The following ZPBP variants were observed in gnomAD, a reference collection of about 807,000 sequenced individuals.
ZPBP encodes the protein zona pellucida-binding protein 1.
Under a neutral mutation model 44.8 loss-of-function variants are expected in ZPBP, and 26 were observed. The ratio of observed to expected loss-of-function variants is 0.58; its 90% CI spans 0.43 to 0.81. ZPBP has a LOEUF of 0.81. Ranked by LOEUF, ZPBP falls within the 30% of genes least tolerant of loss-of-function variation. The probability of loss-of-function intolerance (pLI) is 0.00; values close to 1 mark genes in which losing one functional copy is unlikely to be tolerated. For missense variants in ZPBP, 409 were observed against 434.0 expected, an observed-to-expected ratio of 0.94 and a Z score of 0.51; for synonymous variants, 174 against 153.2, an observed-to-expected ratio of 1.14 and a Z score of -1.00.
intron 2 of ZPBP, among the ~76,000 whole-genome samples, chr7:49,893,959 C>G (rs762758705): frequency 1.1e-4 from 16 of 152,200 alleles, no homozygotes; most frequent in Middle Eastern, 3.4e-3. Flanking sequence ...GATGCTGGAC[C>G]CTGCTGGGCT....
At chr7:49,862,398 G>T (rs183795460) in intron 2 of ZPBP, among the ~76,000 whole-genome samples, 10 of 152,208 alleles carry the variant, frequency 6.6e-5, no homozygotes, top group Admixed American at 5.2e-4. Flanking sequence ...CTATAGACAG[G>T]ATCATACTAA....
intron 3 of ZPBP, among the ~76,000 whole-genome samples, chr7:50,060,916 A>C (rs936896202): frequency 3.9e-5 from 6 of 152,208 alleles, no homozygotes; most frequent in Non-Finnish European, 5.9e-5. Flanking sequence ...TCCTCAACAA[A>C]ATACTAGCAT....
intron 2 of ZPBP, among the ~76,000 whole-genome samples, chr7:49,899,754 G>A (rs1792608932): frequency 6.6e-6 from 1 of 151,896 alleles, no homozygotes; most frequent in Non-Finnish European, 1.5e-5. Flanking sequence ...TACCAGAAAT[G>A]TATAGATTCG....
chr7:50,049,610 C>T (rs1313377225), intron 4 of ZPBP, among the ~76,000 whole-genome samples: 1 of 151,914 alleles, frequency 6.6e-6, no homozygotes, highest in Admixed American at 6.6e-5. Context: ...ATCCAACATC[C>T]TTTCACAATA....
chr7:50,002,847 G>A (rs1798155347), intron 6 of ZPBP, among the ~76,000 whole-genome samples: 1 of 152,074 alleles, frequency 6.6e-6, no homozygotes, highest in Non-Finnish European at 1.5e-5. Context: ...ACATTTATAA[G>A]AATATCAAAA....
intron 2 of ZPBP, among the ~76,000 whole-genome samples, chr7:49,865,434 G>A (rs1050262166): frequency 1.3e-5 from 2 of 152,192 alleles, no homozygotes; most frequent in Admixed American, 6.5e-5. Context: ...ACCGCAAAAC[G>A]TAGTGGCTTC....
intron 2 of ZPBP, among the ~76,000 whole-genome samples, chr7:49,887,129 T>C (rs901074261): frequency 6.6e-6 from 1 of 152,234 alleles, no homozygotes; most frequent in African/African-American, 2.4e-5. Context: ...AGGGTTTGTA[T>C]ATTTTAACTT....
chr7:50,081,820 T>C lies in ZPBP; in HGVS notation c.288A>G (p.Ile96Met), dbSNP rs1463701246. 1 of 1,611,612 alleles carries C rather than the reference T, an allele frequency of 6.2e-7. No individual in the cohort carries two copies. The highest frequency in any genetic ancestry group is 8.5e-7 in the Non-Finnish European group (1 of 1,178,384). Residue 96 changes from isoleucine to methionine, a missense_variant, in exon 3 of 8, where the codon ATA becomes ATG. Ile to Met is a conservative substitution (Grantham distance 10). Coordinates refer to ENST00000046087, the MANE Select transcript of ZPBP (RefSeq NM_007009.3). ...VTQQLRNAELIDPSFQWYGPK... is the reference protein window; with the variant it reads ...VTQQLRNAELMDPSFQWYGPK... ...GCCCATACCATTGGAATGATGGGTCTATCAGTTCAGCATTTCGCAGTTGTT... is the reference window on the plus strand; with the variant it reads ...GCCCATACCATTGGAATGATGGGTCCATCAGTTCAGCATTTCGCAGTTGTT...
At chr7:49,984,306 T>C (rs1583981507) in intron 6 of ZPBP, among the ~76,000 whole-genome samples, 1 of 152,338 alleles carries the variant, frequency 6.6e-6, no homozygotes, top group African/African-American at 2.4e-5. Flanking sequence ...ATTTCTATAA[T>C]GTCCAGGTTC....
chr7:49,906,091 C>T (rs1347096719), intron 1 of ZPBP, among the ~76,000 whole-genome samples: 3 of 152,146 alleles, frequency 2.0e-5, no homozygotes, highest in Non-Finnish European at 2.9e-5. Context: ...GCCAGTGGCC[C>T]TCAGGGCTGC....
In ZPBP at chr7:49,960,573, A is replaced by G. The variant is rs549435875; in HGVS notation, c.961+22769T>C. 5.5e-4 allele frequency among the ~76,000 whole-genome samples: 84 copies of G among 152,320 alleles called. 1 individual carries two copies. In the South Asian group the frequency reaches 0.016, roughly 28 times the overall value. On this transcript the variant is annotated intron_variant, in intron 7 of 7. Transcript: ENST00000046087. ...ATTTAAAAACAAAAATGCAGGCCAC[A>G]ATCTGAGAGAAAATACAGCACATAT...
At chr7:50,086,648 T>C (rs1418039394) in intron 2 of ZPBP, among the ~76,000 whole-genome samples, 1 of 151,762 alleles carries the variant, frequency 6.6e-6, no homozygotes, top group Non-Finnish European at 1.5e-5. Context: ...CAACATGGGA[T>C]TACCCAGTCT....
At chr7:49,902,113 T>A (rs189984280) in intron 1 of ZPBP, among the ~76,000 whole-genome samples, 9 of 152,032 alleles carry the variant, frequency 5.9e-5, no homozygotes, top group Non-Finnish European at 1.3e-4. Context: ...AAAGTCTAGA[T>A]AGCTTTGGGT....
At chr7:49,992,377 G>A (rs950782972) in intron 6 of ZPBP, among the ~76,000 whole-genome samples, 1 of 151,758 alleles carries the variant, frequency 6.6e-6, no homozygotes, top group Non-Finnish European at 1.5e-5. Context: ...AAAACACAAG[G>A]GAATCTGTAT....
At chr7:49,951,429 C>A (rs1795338482) in intron 7 of ZPBP, among the ~76,000 whole-genome samples, 2 of 151,342 alleles carry the variant, frequency 1.3e-5, no homozygotes, top group South Asian at 4.1e-4. Context: ...AAAAGATACA[C>A]AAATGGCCAC....
intron 5 of ZPBP, among the ~76,000 whole-genome samples, chr7:50,028,055 T>C (rs1315339122): frequency 6.6e-6 from 1 of 151,884 alleles, no homozygotes; most frequent in Non-Finnish European, 1.5e-5. Context: ...TCCAAACTCA[T>C]ATCATGAAGC....
At chr7:49,924,388 A>G (rs1794148320) in intron 1 of ZPBP, among the ~76,000 whole-genome samples, 1 of 152,206 alleles carries the variant, frequency 6.6e-6, no homozygotes, top group Admixed American at 6.5e-5. Context: ...TGGAAAATTT[A>G]TAAACATTGA....
At chr7:49,869,010 G>T (rs1250481294) in intron 2 of ZPBP, among the ~76,000 whole-genome samples, 1 of 152,182 alleles carries the variant, frequency 6.6e-6, no homozygotes, top group Non-Finnish European at 1.5e-5. Context: ...GAAGGGATAA[G>T]CTATGAATTA....
At chr7:50,014,433 T>C (rs949018588) in intron 6 of ZPBP, among the ~76,000 whole-genome samples, 3 of 151,634 alleles carry the variant, frequency 2.0e-5, no homozygotes, top group African/African-American at 7.2e-5. Flanking sequence ...GAAATATATT[T>C]ATTTATCATT....
Sources: allele counts gnomAD v4.1 joint callset (sites outside exome capture counted in the v4.1 genomes callset), GRCh38; gene constraint gnomAD v4.1.1; transcripts MANE v1.5; gene names NCBI Gene and HGNC (gene_info 2026-07-23, HGNC 2026-07-21).